MYH7: variants seen among roughly 807,000 people sequenced by gnomAD.
MYH7 encodes the protein myosin-7.
A neutral mutation model predicts 225.4 loss-of-function variants in MYH7; 129 were observed. That is an observed-to-expected ratio of 0.57 (90% CI 0.50 to 0.66). The LOEUF is 0.66. MYH7 is among the 30% of genes least tolerant of loss of function. The pLI, the probability that MYH7 is intolerant of heterozygous loss-of-function variation, is 0.00. For missense variants in MYH7, 1,649 were observed against 2,517.0 expected (o/e 0.66, Z 7.38); for synonymous variants, 971 against 1,007.6 (o/e 0.96, Z 0.69).
At position 23,429,090 on chromosome 14, in the gene MYH7, A is replaced by T. The variant is rs1555338337; in HGVS notation, c.1272T>A (p.Thr424=). The T allele has an allele frequency of 6.2e-7, 1 of 1,614,014 alleles. No homozygotes were observed. Among genetic ancestry groups the T allele is most frequent in the Non-Finnish European group, 8.5e-7 (1 of 1,180,024 alleles). The change falls in exon 14 of 40, where the codon ACT becomes ACA. Residue 424 remains threonine (T), a synonymous_variant. Transcript: ENST00000355349. ...GQNVQQVIYA[T]GALAKAVYER... ...CATACACTGCCTTGGCCAGTGCCCC[A>T]GTGGCATATATCACCTGCAAGGTGG...
rs1020453843 is a variant in MYH7 at position 23,415,518 on chromosome 14, G to A, written c.5158-12C>T. On this transcript the variant is annotated splice_polypyrimidine_tract_variant and intron_variant, in intron 35 of 39. Coordinates refer to ENST00000355349, the MANE Select transcript of MYH7 (RefSeq NM_000257.4). The surrounding 1 kb of genome is among the most constrained non-coding windows in gnomAD (Gnocchi z 6.3). ...ATGAGGCTGGTGTTCTGGGTTGGGG[G>A]AGGGTTGGGCAGAGCAGGAAAAGCA... 3.7e-6 allele frequency: 6 copies of A among 1,614,080 alleles called. No individual in the cohort carries two copies. The highest frequency in any genetic ancestry group is 5.1e-6 in the Non-Finnish European group (6 of 1,180,048).
In MYH7 at chr14:23,433,723, A is replaced by T; in HGVS notation, c.10T>A (p.Ser4Thr). The T allele has an allele frequency of 6.2e-7, 1 of 1,613,982 alleles. No homozygotes were observed. Among genetic ancestry groups the T allele is most frequent in the East Asian group, 2.2e-5 (1 of 44,882 alleles). The stretch of plus-strand genomic sequence containing the variant: ...GCAGCCCCAAAGACTGCCATCTCCG[A>T]ATCTCCCATGGCTGTGCCTGGAGTG... MGD[S>T]EMAVFGAAAP... Residue 4 changes from serine (S) to threonine (T), a missense_variant, in exon 3 of 40, where the codon TCG becomes ACG. Ser to Thr is a moderately conservative substitution (Grantham distance 58). Transcript: ENST00000355349. The surrounding 1 kb of genome is among the most constrained non-coding windows in gnomAD (Gnocchi z 4.1).
At chr14:23,414,129 T>A (rs745984048) in intron 37 of MYH7, 27 bp from the exon 38 acceptor site, 1 of 1,597,672 alleles carries the variant, frequency 6.3e-7, no homozygotes, top group South Asian at 1.1e-5. Context: ...AGGCAGGGGG[T>A]GAAGATGGCA....
intron 24 of MYH7, 140 bp downstream of exon 24, chr14:23,423,407 A>C: frequency 1.7e-6 from 2 of 1,179,976 alleles, no homozygotes; most frequent in Non-Finnish European, 2.5e-6. Flanking sequence ...AACATCCTCT[A>C]ACCCTACCCC....
intron 25 of MYH7, 53 bp from the exon 26 acceptor site, chr14:23,421,101 G>A (rs1024993901): frequency 3.0e-6 from 4 of 1,355,546 alleles, no homozygotes; most frequent in Admixed American, 1.7e-5. Flanking sequence ...GCCTCAGGAG[G>A]GTCCACCAGT....
intron 39 of MYH7, among the ~76,000 whole-genome samples, chr14:23,413,291 A>G (rs1892046058): frequency 6.6e-6 from 1 of 152,212 alleles, no homozygotes; most frequent in Admixed American, 6.5e-5. Context: ...ACTGAAACTT[A>G]GAGCTGAGCT....
At chr14:23,417,105 A>T in intron 32 of MYH7, 48 bp downstream of exon 32, 1 of 1,614,064 alleles carries the variant, frequency 6.2e-7, no homozygotes, top group Non-Finnish European at 8.5e-7. Context: ...ACCATATGGG[A>T]ACACTGCCAG....
At chr14:23,420,912 A>C in intron 26 of MYH7, 46 bp downstream of exon 26, 1 of 1,478,322 alleles carries the variant, frequency 6.8e-7, no homozygotes, top group Non-Finnish European at 9.4e-7. Context: ...GGGGAAACAG[A>C]ACCAGCCCAG....
At chr14:23,430,202 G>C (rs1220673133) in intron 11 of MYH7, among the ~76,000 whole-genome samples, 1 of 152,098 alleles carries the variant, frequency 6.6e-6, no homozygotes, top group Non-Finnish European at 1.5e-5. Flanking sequence ...CTTGCTTCCT[G>C]CCTGGCCTTC....
chr14:23,417,482 C>T lies in MYH7; in HGVS notation c.4353+21G>A, dbSNP rs368826988. The stretch of plus-strand genomic sequence containing the variant: ...GCCCCCTTGCCCTGCATGCTGGCTG[C>T]GGCCCCCACCCAGGGCCCACCTTGT... On this transcript the variant is annotated intron_variant, in intron 31 of 39. Coordinates refer to ENST00000355349, the MANE Select transcript of MYH7 (RefSeq NM_000257.4). 24 of 1,612,234 alleles carry T rather than the reference C, an allele frequency of 1.5e-5. No homozygotes were observed. The African/African-American group carries it at 1.6e-4, about 11-fold the overall frequency.
chr14:23,433,596 A>T lies in MYH7; in HGVS notation c.137T>A (p.Phe46Tyr), dbSNP rs397516104. The change falls in exon 3 of 40, where the codon TTT becomes TAT. Residue 46 changes from phenylalanine to tyrosine, a missense_variant. This residue lies in a region of MYH7 where 91 missense variants were observed against 96.5 expected (regional missense o/e 0.94). Transcript: ENST00000355349. The surrounding 1 kb of genome is among the most constrained non-coding windows in gnomAD (Gnocchi z 4.1). ...DVFVPDDKQEFVKAKIVSREG... is the reference protein window; with the variant it reads ...DVFVPDDKQEYVKAKIVSREG... ...TCGAGACACGATCTTGGCCTTGACA[A>T]ACTCCTGTTTGTCATCAGGCACGAA... The T allele has an allele frequency of 1.2e-6, 2 of 1,614,192 alleles. No homozygotes were observed. The highest frequency in any genetic ancestry group is 8.5e-7 in the Non-Finnish European group (1 of 1,180,022).
chr14:23,419,337 C>T (rs750484253), intron 28 of MYH7, 42 bp from the exon 29 acceptor site: 23 of 1,613,018 alleles, frequency 1.4e-5, no homozygotes, highest in Non-Finnish European at 2.0e-5. Flanking sequence ...TCTCTATCCC[C>T]ACCTCCTCCT....
Position 23,425,158 on chromosome 14 carries a change from G to A in MYH7, c.2423+124C>T, listed in dbSNP as rs1459841297. 5 of 1,596,690 alleles carry A rather than the reference G, an allele frequency of 3.1e-6. No individual in the cohort carries two copies. Among genetic ancestry groups the A allele is most frequent in the Non-Finnish European group, 4.3e-6 (5 of 1,166,538 alleles). On this transcript the variant is annotated intron_variant, in intron 21 of 39. Coordinates refer to ENST00000355349, the MANE Select transcript of MYH7 (RefSeq NM_000257.4). This position sits in a 1 kb window ranked among gnomAD's most constrained non-coding sequence, Gnocchi z 4.6. ...GCCTCTGACCCTGTGACTGCAGTGT[G>A]TTCATATGAGCCCCTCCTGCAGGTC...
intron 26 of MYH7, 35 bp from the exon 27 acceptor site, chr14:23,420,269 G>A: frequency 6.2e-7 from 1 of 1,602,730 alleles, no homozygotes; most frequent in Middle Eastern, 1.7e-4. Flanking sequence ...CCCACCGCCT[G>A]GACCCCTCCA....
intron 27 of MYH7, 24 bp downstream of exon 27, chr14:23,419,821 G>A (rs1430780141): frequency 2.5e-6 from 4 of 1,614,014 alleles, no homozygotes; most frequent in Non-Finnish European, 3.4e-6. Context: ...GAAGTTGGAG[G>A]AGGGGAGGCC....
In MYH7 at chr14:23,417,178, G is replaced by A. The variant is rs1342241347; in HGVS notation, c.4494C>T (p.Phe1498=). Residue 1498 remains phenylalanine, a synonymous_variant, in exon 32 of 40, where the codon TTC becomes TTT. Transcript: ENST00000355349. ...CCTGCAGGTTTTTGTTCTCCCGCTT[G>A]AAGGTCTCCAGATGTTCCAGGGACT... ...YEESLEHLET[F]KRENKNLQEE... 9 of 1,614,078 alleles carry A rather than the reference G, an allele frequency of 5.6e-6. No individual in the cohort carries two copies. The African/African-American group carries it at 8.0e-5, about 14-fold the overall frequency.
intron 1 of MYH7, among the ~76,000 whole-genome samples, chr14:23,435,249 C>A (rs1175254549): frequency 1.3e-5 from 2 of 152,080 alleles, no homozygotes; most frequent in Non-Finnish European, 2.9e-5. Context: ...TCCCTCCCTG[C>A]AAAGGAACCT....
chr14:23,423,879 G>C, intron 23 of MYH7, 28 bp downstream of exon 23: 1 of 1,613,722 alleles, frequency 6.2e-7, no homozygotes, highest in Non-Finnish European at 8.5e-7. Flanking sequence ...ATGAGACCCG[G>C]GCTGGAGCCA....
chr14:23,434,971 A>G (rs572533115), intron 1 of MYH7, among the ~76,000 whole-genome samples: 58 of 152,158 alleles, frequency 3.8e-4, no homozygotes, highest in African/African-American at 1.4e-3. Context: ...TATATGCCTC[A>G]ACAGCAAATG....
Sources: gnomAD v4.1 joint callset for allele counts (sites outside exome capture counted in the v4.1 genomes callset) on GRCh38, gnomAD v4.1.1 for gene constraint, gnomAD v4.1.1 regional missense constraint, Gnocchi (gnomAD v3.1) non-coding constraint, MANE v1.5 for transcripts, NCBI Gene and HGNC (gene_info 2026-07-23, HGNC 2026-07-21) for gene names.